Variants in FAM114A1 observed in about 807,000 individuals in gnomAD.
The protein encoded by FAM114A1 is protein NOXP20.
In FAM114A1, 62 loss-of-function variants were observed where a neutral mutation model predicts 64.3. The ratio of observed to expected loss-of-function variants is 0.96; its 90% CI spans 0.79 to 1.19. FAM114A1 has a LOEUF of 1.19. FAM114A1 is among the 50% of genes most tolerant of loss of function. The probability of loss-of-function intolerance (pLI) is 0.00; values close to 1 mark genes in which losing one functional copy is unlikely to be tolerated. For missense variants in FAM114A1, 645 were observed against 676.3 expected (o/e 0.95, Z 0.51); for synonymous variants, 254 against 251.1 (o/e 1.01, Z -0.11).
intron 3 of FAM114A1, among the ~76,000 whole-genome samples, chr4:38,878,943 G>A (rs770603073): frequency 2.0e-4 from 30 of 151,912 alleles, no homozygotes; most frequent in Admixed American, 4.6e-4. Flanking sequence ...GAGATCTTCA[G>A]CCTTCAGATC....
rs774785848 is a variant in FAM114A1, at chr4:38,915,151, C to T, written c.945+78C>T. 33 of 1,543,282 alleles carry T rather than the reference C, an allele frequency of 2.1e-5. No individual in the cohort carries two copies. The African/African-American group carries it at 4.3e-4, about 20-fold the overall frequency. ...ACATGAAAGAAACTGGAAAATCTGC[C>T]ATTAAAAGATCTCATTTTTAGAGCC... is the stretch of plus-strand genomic sequence containing the variant. On this transcript the variant is annotated intron_variant, in intron 8 of 14. Coordinates refer to ENST00000358869, the MANE Select transcript of FAM114A1 (RefSeq NM_138389.4).
intron 2 of FAM114A1, among the ~76,000 whole-genome samples, chr4:38,871,018 G>A (rs1296858914): frequency 6.6e-6 from 1 of 151,492 alleles, no homozygotes; most frequent in Non-Finnish European, 1.5e-5. Context: ...AGATAAATAT[G>A]GATTAGAGAT....
At chr4:38,874,546 C>T (rs1468332315) in intron 2 of FAM114A1, among the ~76,000 whole-genome samples, 1 of 152,018 alleles carries the variant, frequency 6.6e-6, no homozygotes, top group African/African-American at 2.4e-5. Context: ...ATTTAAGTTC[C>T]TTACAGATTC....
chr4:38,918,664 T>C (rs1403299309), intron 8 of FAM114A1, among the ~76,000 whole-genome samples: 2 of 152,084 alleles, frequency 1.3e-5, no homozygotes, highest in East Asian at 3.9e-4. Context: ...ATTTAAAAGT[T>C]AAATAATTTT....
chr4:38,943,300 G>A (rs1221526677), intron 14 of FAM114A1, among the ~76,000 whole-genome samples, 156 bp from the exon 15 acceptor site: 1 of 151,790 alleles, frequency 6.6e-6, no homozygotes, highest in Non-Finnish European at 1.5e-5. Context: ...CCATCCAAAA[G>A]CATGTGTTTA....
At chr4:38,909,148 G>A (rs984260365) in intron 7 of FAM114A1, among the ~76,000 whole-genome samples, 1 of 152,106 alleles carries the variant, frequency 6.6e-6, no homozygotes, top group Non-Finnish European at 1.5e-5. Context: ...TTTATGTCAT[G>A]GTATGCATCC....
chr4:38,905,271 C>T (rs1042933842), intron 4 of FAM114A1, among the ~76,000 whole-genome samples: 1 of 152,008 alleles, frequency 6.6e-6, no homozygotes, highest in Non-Finnish European at 1.5e-5. Context: ...TGGTGGTGTG[C>T]ATCTGTAATC....
intron 9 of FAM114A1, among the ~76,000 whole-genome samples, chr4:38,926,952 G>A (rs1277646919): frequency 6.6e-6 from 1 of 152,142 alleles, no homozygotes; most frequent in African/African-American, 2.4e-5. Flanking sequence ...ACCTCTTTGG[G>A]TTAAAACGAT....
rs542263531 is a variant in FAM114A1 at position 38,924,094 on chromosome 4, A to G, written c.1069+1201A>G. 2.0e-5 allele frequency among the ~76,000 whole-genome samples: 3 copies of G among 152,286 alleles called. No homozygotes were observed. The South Asian group carries it at 6.2e-4, about 32-fold the overall frequency. On this transcript the variant is annotated intron_variant, in intron 9 of 14. Coordinates refer to ENST00000358869, the MANE Select transcript of FAM114A1 (RefSeq NM_138389.4). ...GAAACATTTTCACCATTTTCTTGCTATATGGCGTTAAACAAGTTATATACC... is the reference window on the plus strand; with the variant it reads ...GAAACATTTTCACCATTTTCTTGCTGTATGGCGTTAAACAAGTTATATACC...
chr4:38,874,659 C>A (rs180954793), intron 2 of FAM114A1, among the ~76,000 whole-genome samples: 1 of 152,224 alleles, frequency 6.6e-6, no homozygotes, highest in Non-Finnish European at 1.5e-5. Flanking sequence ...TGTAGAAGCT[C>A]TTTTGTTTAA....
At chr4:38,874,354 T>G (rs1476439453) in intron 2 of FAM114A1, among the ~76,000 whole-genome samples, 1 of 152,208 alleles carries the variant, frequency 6.6e-6, no homozygotes, top group African/African-American at 2.4e-5. Flanking sequence ...TCTGAGTTAT[T>G]GGGAAAATCT....
intron 3 of FAM114A1, 107 bp downstream of exon 3, chr4:38,878,533 A>G (rs1714902545): frequency 2.4e-6 from 2 of 844,062 alleles, no homozygotes; most frequent in Admixed American, 2.8e-5. Context: ...TTCAAAATGT[A>G]CTGTGACATC....
intron 12 of FAM114A1, among the ~76,000 whole-genome samples, chr4:38,932,640 G>A (rs1720752494): frequency 6.6e-6 from 1 of 152,004 alleles, no homozygotes; most frequent in Non-Finnish European, 1.5e-5. Context: ...GGGACCACAG[G>A]TGCGTGCCAC....
chr4:38,935,803 T>TAAG lies in FAM114A1; in HGVS notation c.1536+13_1536+14insAAG. 6.3e-7 allele frequency: 1 copy of TAAG among 1,587,686 alleles called. No homozygotes were observed. Among genetic ancestry groups the TAAG allele is most frequent in the East Asian group, 2.2e-5 (1 of 44,724 alleles). On this transcript the variant is annotated intron_variant, in intron 13 of 14. Coordinates refer to ENST00000358869, the MANE Select transcript of FAM114A1 (RefSeq NM_138389.4). ...AACCACTGTTGGGGTAAGATTACAGTCTTGAATTTTTTTCACCTTTTTTAA... is the reference window on the plus strand; with the variant it reads ...AACCACTGTTGGGGTAAGATTACAGTAAGCTTGAATTTTTTTCACCTTTTTTAA...
intron 8 of FAM114A1, among the ~76,000 whole-genome samples, chr4:38,921,617 A>G (rs1719601111): frequency 6.6e-6 from 1 of 152,170 alleles, no homozygotes; most frequent in Non-Finnish European, 1.5e-5. Context: ...GGGGCTCTAA[A>G]GACAGTGAGC....
chr4:38,897,445 G>T (rs185615098), intron 4 of FAM114A1, among the ~76,000 whole-genome samples: 1 of 152,256 alleles, frequency 6.6e-6, no homozygotes, highest in East Asian at 1.9e-4. Context: ...TCACTCTGAG[G>T]TTAAGGGAAA....
chr4:38,936,399 G>T (rs1450263759), intron 13 of FAM114A1, among the ~76,000 whole-genome samples: 1 of 149,352 alleles, frequency 6.7e-6, no homozygotes, highest in African/African-American at 2.5e-5. Context: ...TGGCCTGTTT[G>T]TTTTTTTTAA....
intron 2 of FAM114A1, among the ~76,000 whole-genome samples, chr4:38,873,067 C>T (rs1219479303): frequency 6.6e-6 from 1 of 152,192 alleles, no homozygotes; most frequent in Admixed American, 6.5e-5. Context: ...ACAATACTAC[C>T]CCTTCTCTAT....
chr4:38,937,986 C>T (rs372333874), intron 13 of FAM114A1, among the ~76,000 whole-genome samples: 2 of 152,152 alleles, frequency 1.3e-5, no homozygotes, highest in East Asian at 1.9e-4. Context: ...CTCCACCTGC[C>T]TCGGCCTCCC....
Sources: allele counts gnomAD v4.1 joint callset (sites outside exome capture counted in the v4.1 genomes callset), GRCh38; gene constraint gnomAD v4.1.1; transcripts MANE v1.5; gene names NCBI Gene and HGNC (gene_info 2026-07-23, HGNC 2026-07-21).